SMG1: variants seen among roughly 807,000 people sequenced by gnomAD.
The protein encoded by SMG1 is serine/threonine-protein kinase SMG1.
A neutral mutation model predicts 419.9 loss-of-function variants in SMG1; 22 were observed. The observed-to-expected ratio is 0.05, with a 90% CI of 0.04 to 0.07. The LOEUF is 0.07. Ranked by LOEUF, SMG1 falls within the 10% of genes least tolerant of loss-of-function variation. SMG1 has a pLI of 1.00. For missense variants in SMG1, 3,185 were observed against 4,342.0 expected (o/e 0.73, Z 7.49); for synonymous variants, 1,538 against 1,553.5 (o/e 0.99, Z 0.23).
intron 7 of SMG1, 66 bp downstream of exon 7, chr16:18,885,475 T>G: frequency 6.3e-7 from 1 of 1,577,884 alleles, no homozygotes; most frequent in Non-Finnish European, 8.6e-7. Flanking sequence ...ATCTGTTTCC[T>G]CAGATCCTCA....
chr16:18,918,057 T>G (rs2038046224), intron 1 of SMG1, among the ~76,000 whole-genome samples: 1 of 150,618 alleles, frequency 6.6e-6, no homozygotes, highest in Admixed American at 6.6e-5. Context: ...GGTCATGAGT[T>G]CAAGACAAGC....
chr16:18,885,053 C>T (rs1014532582), intron 8 of SMG1, 37 bp downstream of exon 8: 4 of 649,042 alleles, frequency 6.2e-6, no homozygotes, highest in African/African-American at 1.8e-5. Flanking sequence ...TCCTCCCCGA[C>T]AGTATTTAAA....
intron 42 of SMG1, 22 bp downstream of exon 42, chr16:18,839,676 T>C (rs756147126): frequency 5.0e-6 from 8 of 1,613,716 alleles, no homozygotes; most frequent in African/African-American, 1.3e-5. Flanking sequence ...CTACTGAGTA[T>C]AGTCTAAAAC....
chr16:18,814,465 C>T (rs2031796986), intron 60 of SMG1, among the ~76,000 whole-genome samples: 1 of 151,970 alleles, frequency 6.6e-6, no homozygotes. Flanking sequence ...TGCCACTGCA[C>T]TCCAGCCTGG....
At chr16:18,901,657 A>G (rs1200635815) in intron 1 of SMG1, among the ~76,000 whole-genome samples, 1 of 152,126 alleles carries the variant, frequency 6.6e-6, no homozygotes, top group Non-Finnish European at 1.5e-5. Context: ...GGTAATCTCT[A>G]AACTCTTGAA....
Position 18,863,651 on chromosome 16 carries a change from T to G in SMG1, c.3694A>C (p.Lys1232Gln). Residue 1232 changes from lysine to glutamine, a missense_variant and splice_region_variant, in exon 25 of 63, where the codon AAA (lysine) becomes CAA (glutamine). By Grantham distance (53) the Lys-to-Gln change is moderately conservative. Around this residue, in one of 27 missense-constraint regions of SMG1, gnomAD observed 120 missense variants for 193.3 expected, o/e 0.62. Coordinates refer to ENST00000446231, the MANE Select transcript of SMG1 (RefSeq NM_015092.5). Reference sequence around the variant, plus strand: ...ATAACTGGAAAAAGTAAGCCTTACTTTATATAGTTGAAGTCAGCTTTCAGG... The same window carrying G: ...ATAACTGGAAAAAGTAAGCCTTACTGTATATAGTTGAAGTCAGCTTTCAGG... The part of the protein sequence containing the change: ...LNLKADFNYI[K>Q]SLSSFESGKF... 2 of 1,593,496 alleles carry G rather than the reference T, an allele frequency of 1.3e-6. No homozygotes were observed.
chr16:18,884,799 T>A (rs2036548704), intron 8 of SMG1: 2 of 295,876 alleles, frequency 6.8e-6, no homozygotes, highest in Non-Finnish European at 1.2e-5. Flanking sequence ...GGATCTTCCA[T>A]TGTCCACTTC....
At chr16:18,834,468 A>T (rs1277132131) in intron 49 of SMG1, 30 bp from the exon 50 acceptor site, 4 of 1,586,958 alleles carry the variant, frequency 2.5e-6, no homozygotes, top group Non-Finnish European at 3.4e-6. Flanking sequence ...GTACAGTGAA[A>T]CTTAAATGTA....
At chr16:18,898,483 A>G (rs998593318) in intron 1 of SMG1, among the ~76,000 whole-genome samples, 19 of 152,210 alleles carry the variant, frequency 1.2e-4, no homozygotes, top group Non-Finnish European at 1.9e-4. Context: ...TCAATGGACC[A>G]TAACTTTTTT....
intron 36 of SMG1, 56 bp downstream of exon 36, chr16:18,849,161 A>G: frequency 2.3e-6 from 3 of 1,299,226 alleles, no homozygotes; most frequent in Middle Eastern, 2.1e-4. Context: ...TGACCTCACT[A>G]AAATTATTGG....
chr16:18,809,411 G>C lies in SMG1; in HGVS notation c.*158C>G, dbSNP rs1444410374. 10 of 641,572 alleles carry C rather than the reference G, an allele frequency of 1.6e-5. No individual in the cohort carries two copies. In the Admixed American group the frequency reaches 2.5e-4, roughly 16 times the overall value. 39.7% of individuals were successfully genotyped at this position (641,572 alleles called of 1,614,324 possible). ...ATCCCTGAGTGCAGCTGTCCTGCGGGATTCACTTCCTAGTGCACCGAGATT... is the reference window on the plus strand; with the variant it reads ...ATCCCTGAGTGCAGCTGTCCTGCGGCATTCACTTCCTAGTGCACCGAGATT... On this transcript the variant is annotated 3_prime_UTR_variant, in exon 63 of 63. Transcript: ENST00000446231.
chr16:18,881,445 T>A (rs1412504348), intron 10 of SMG1, among the ~76,000 whole-genome samples: 1 of 152,190 alleles, frequency 6.6e-6, no homozygotes, highest in Non-Finnish European at 1.5e-5. Context: ...ATAATCAATA[T>A]CCTATTTTAT....
At chr16:18,920,382 C>CA (rs67904345) in intron 1 of SMG1, among the ~76,000 whole-genome samples, 13,804 of 100,664 alleles carry the variant, frequency 0.14, 788 homozygotes, top group Middle Eastern at 0.23. Flanking sequence ...AACTCCGTCT[C>CA]AAAAAAAAAA....
At chr16:18,852,921 C>T (rs1227905698) in intron 31 of SMG1, among the ~76,000 whole-genome samples, 2 of 152,152 alleles carry the variant, frequency 1.3e-5, no homozygotes, top group Admixed American at 1.3e-4. Flanking sequence ...AAGACACTGC[C>T]TGCTATAGTG....
At chr16:18,834,580 C>T in intron 49 of SMG1, 142 bp from the exon 50 acceptor site, 1 of 765,330 alleles carries the variant, frequency 1.3e-6, no homozygotes, top group Non-Finnish European at 2.1e-6. Context: ...AGTTCGAGAC[C>T]AGCCTGATCA....
intron 1 of SMG1, among the ~76,000 whole-genome samples, chr16:18,899,683 C>T (rs917493586): frequency 2.6e-5 from 4 of 151,920 alleles, no homozygotes; most frequent in Admixed American, 2.6e-4. Context: ...ATCAAAGCCA[C>T]AAAATAGAAA....
Position 18,847,972 on chromosome 16 carries a change from C to T in SMG1, c.5685G>A (p.Leu1895=). 2 of 1,613,960 alleles carry T rather than the reference C, an allele frequency of 1.2e-6. No homozygotes were observed. The highest frequency in any genetic ancestry group is 1.1e-5 in the South Asian group (1 of 91,078). ...GACTTCCTCCCTCACATTCAGAAAC[C>T]AGCAATTCTTCTCCTTGAATATTGC... ...LLGNIQGEEL[L]VSECEGGSPP... is the part of the protein sequence containing the mutation. The change falls in exon 37 of 63, where the codon CTG becomes CTA. Residue 1895 remains leucine (L), a synonymous_variant. Transcript: ENST00000446231.
chr16:18,910,366 G>A (rs1366924220), intron 1 of SMG1, among the ~76,000 whole-genome samples: 1 of 151,774 alleles, frequency 6.6e-6, no homozygotes, highest in Non-Finnish European at 1.5e-5. Context: ...AAATAGCTGG[G>A]ATTACAGGCA....
At chr16:18,827,780 T>C (rs1293076071) in intron 55 of SMG1, among the ~76,000 whole-genome samples, 3 of 146,252 alleles carry the variant, frequency 2.1e-5, no homozygotes, top group Non-Finnish European at 3.0e-5. Flanking sequence ...TCTAAATATA[T>C]ATTTTATATA....
Sources: allele counts gnomAD v4.1 joint callset (sites outside exome capture counted in the v4.1 genomes callset), GRCh38; gene constraint gnomAD v4.1.1; regional missense constraint gnomAD v4.1.1; transcripts MANE v1.5; gene names NCBI Gene and HGNC (gene_info 2026-07-23, HGNC 2026-07-21).